Variants in KLF12 observed in about 807,000 individuals in gnomAD.
KLF12 encodes the protein KLF transcription factor 12, also known as Krueppel-like factor 12.
KLF12 carries 9 observed loss-of-function variants against 37.8 expected under a neutral mutation model. The observed-to-expected ratio is 0.24, with a 90% CI of 0.14 to 0.42. The LOEUF (loss-of-function observed/expected upper bound fraction) is 0.42. Among genes scored for constraint, KLF12 ranks in the 10% least tolerant of loss-of-function variants. The pLI, the probability that KLF12 is intolerant of heterozygous loss-of-function variation, is 1.00. For synonymous variants in KLF12, 208 were observed against 202.1 expected (o/e 1.03, Z -0.25); for missense variants, 411 against 516.0 (o/e 0.80, Z 1.97).
At chr13:74,015,444 C>T (rs1298787795) in intron 1 of KLF12, among the ~76,000 whole-genome samples, 1 of 152,090 alleles carries the variant, frequency 6.6e-6, no homozygotes, top group Non-Finnish European at 1.5e-5. Flanking sequence ...GTGCCCAGCA[C>T]ATAGGAAACA....
chr13:73,733,615 T>C (rs1343227344), intron 6 of KLF12, among the ~76,000 whole-genome samples: 2 of 152,188 alleles, frequency 1.3e-5, no homozygotes, highest in African/African-American at 4.8e-5. Context: ...CTTTTGGCTA[T>C]TGTGAATAAC....
At chr13:74,265,817 G>A in the KLF12 span, among the ~76,000 whole-genome samples, 1 of 152,164 alleles carries the variant, frequency 6.6e-6, no homozygotes, top group South Asian at 2.1e-4. Flanking sequence ...GAAAGAACAA[G>A]GATGGAAGTC....
chr13:74,299,601 T>C, the KLF12 span, among the ~76,000 whole-genome samples: 1 of 152,180 alleles, frequency 6.6e-6, no homozygotes, highest in South Asian at 2.1e-4. Flanking sequence ...CTCTTAATAC[T>C]TTCCCCCCTT....
chr13:73,772,800 G>A (rs1383837427), intron 5 of KLF12, among the ~76,000 whole-genome samples: 1 of 152,184 alleles, frequency 6.6e-6, no homozygotes, highest in African/African-American at 2.4e-5. Context: ...GGGAATGCAA[G>A]GCACAGGAGG....
intron 7 of KLF12, among the ~76,000 whole-genome samples, chr13:73,708,889 T>C (rs1875148201): frequency 6.6e-6 from 1 of 152,216 alleles, no homozygotes; most frequent in African/African-American, 2.4e-5. Flanking sequence ...TTTATTTAAA[T>C]ACTCTGTAAA....
chr13:74,081,425 C>T (rs928693493), intron 1 of KLF12, among the ~76,000 whole-genome samples: 2 of 152,178 alleles, frequency 1.3e-5, no homozygotes, highest in African/African-American at 4.8e-5. Context: ...TAATCATTCC[C>T]TAAATATGTA....
chr13:73,695,738 C>T, intron 7 of KLF12, 67 bp from the exon 8 acceptor site: 1 of 1,459,006 alleles, frequency 6.9e-7, no homozygotes, highest in Admixed American at 1.8e-5. Flanking sequence ...CAGGCCAGTA[C>T]TCTATTTTGG....
In KLF12 at chr13:73,826,220, G is replaced by A. The variant is rs757881885; in HGVS notation, c.671-12933C>T. Among the ~76,000 whole-genome samples, 32 of 152,008 alleles carry A rather than the reference G, an allele frequency of 2.1e-4. 2 individuals carry two copies. Among genetic ancestry groups the A allele is most frequent in the Admixed American group, 1.1e-3 (17 of 15,260 alleles). On this transcript the variant is annotated intron_variant, in intron 4 of 7. Transcript: ENST00000377669. The stretch of plus-strand genomic sequence containing the variant: ...TATCTCCTGACCTCGTGATCTGCCC[G>A]CCTCGGCCTCCCAAAGTGCTGGGAT...
At chr13:73,792,927 G>A (rs1441717301) in intron 5 of KLF12, among the ~76,000 whole-genome samples, 9 of 152,218 alleles carry the variant, frequency 5.9e-5, no homozygotes, top group African/African-American at 1.2e-4. Context: ...TTGCCAGGCT[G>A]TGGAGAGGGC....
rs1472117788 is a variant in KLF12, at chr13:73,692,287, T to C, written c.*3203A>G. 1 of 152,164 alleles carries C rather than the reference T, an allele frequency of 6.6e-6. No individual in the cohort carries two copies. The highest frequency in any genetic ancestry group is 1.5e-5 in the Non-Finnish European group (1 of 68,034). 9.4% of individuals were successfully genotyped at this position (152,164 alleles called of 1,614,324 possible). A position where few individuals can be genotyped will look rare whatever the true frequency, so the allele number is the denominator to read the frequency against. On this transcript the variant is annotated 3_prime_UTR_variant, in exon 8 of 8. Transcript: ENST00000377669. ...TTTCAAACAACTTAAGATCAGACCA[T>C]GAAAAGGGATTCTTAAAACCTCAAA... is the stretch of plus-strand genomic sequence containing the variant.
At chr13:73,795,941 G>A (rs963442163) in intron 5 of KLF12, among the ~76,000 whole-genome samples, 6 of 152,176 alleles carry the variant, frequency 3.9e-5, no homozygotes, top group African/African-American at 1.4e-4. Flanking sequence ...AGTAAACAGA[G>A]AGGAGGAGAT....
intron 3 of KLF12, among the ~76,000 whole-genome samples, chr13:73,856,883 A>T (rs771950392): frequency 6.6e-6 from 1 of 152,136 alleles, no homozygotes; most frequent in Non-Finnish European, 1.5e-5. Context: ...GCTACTCCAG[A>T]GGCTAAGGCA....
At chr13:74,221,060 A>G in the KLF12 span, among the ~76,000 whole-genome samples, 3 of 147,724 alleles carry the variant, frequency 2.0e-5, no homozygotes, top group Middle Eastern at 3.3e-3. Context: ...GCTGGAGTGC[A>G]GTGGTGCTAT....
At chr13:74,050,021 T>C (rs912024448) in intron 1 of KLF12, among the ~76,000 whole-genome samples, 1 of 152,086 alleles carries the variant, frequency 6.6e-6, no homozygotes, top group African/African-American at 2.4e-5. Flanking sequence ...AAGGAAGGAC[T>C]TACGTTTACA....
At chr13:73,768,925 A>C (rs903061081) in intron 5 of KLF12, among the ~76,000 whole-genome samples, 2 of 148,550 alleles carry the variant, frequency 1.3e-5, no homozygotes, top group Non-Finnish European at 3.0e-5. Flanking sequence ...TATTCCCTCC[A>C]CCCAGCCCAG....
chr13:73,977,707 G>GA (rs1891571129), intron 2 of KLF12, among the ~76,000 whole-genome samples: 1 of 152,172 alleles, frequency 6.6e-6, no homozygotes, highest in African/African-American at 2.4e-5. Context: ...GACATTACCT[G>GA]ACTCCAGGAA....
At chr13:74,114,510 T>A (rs1877170248) in intron 1 of KLF12, among the ~76,000 whole-genome samples, 5 of 152,178 alleles carry the variant, frequency 3.3e-5, no homozygotes, top group Admixed American at 3.3e-4. Context: ...ATGCCTATAA[T>A]TAAGGTCTTA....
chr13:73,731,419 A>T (rs1318328640), intron 6 of KLF12, among the ~76,000 whole-genome samples: 1 of 152,104 alleles, frequency 6.6e-6, no homozygotes, highest in Non-Finnish European at 1.5e-5. Context: ...TCCAGAAATA[A>T]CTTAAATGGA....
At chr13:74,091,527 T>G (rs1593892271) in intron 1 of KLF12, among the ~76,000 whole-genome samples, 1 of 152,198 alleles carries the variant, frequency 6.6e-6, no homozygotes, top group South Asian at 2.1e-4. Context: ...TTTTTAGTGG[T>G]AATAACATTC....
Sources: gnomAD v4.1 joint callset for allele counts (sites outside exome capture counted in the v4.1 genomes callset) on GRCh38, gnomAD v4.1.1 for gene constraint, MANE v1.5 for transcripts, NCBI Gene and HGNC (gene_info 2026-07-23, HGNC 2026-07-21) for gene names.